Variants in CTTNBP2NL observed in about 807,000 individuals in gnomAD.
The protein encoded by CTTNBP2NL is CTTNBP2 N-terminal-like protein.
A neutral mutation model predicts 32.5 loss-of-function variants in CTTNBP2NL; 16 were observed. The ratio of observed to expected loss-of-function variants is 0.49; its 90% CI spans 0.33 to 0.75. The LOEUF (loss-of-function observed/expected upper bound fraction) is 0.75, where lower values mean the gene tolerates loss of function less well. Among genes scored for constraint, CTTNBP2NL ranks in the 30% least tolerant of loss-of-function variants. The pLI, the probability that CTTNBP2NL is intolerant of heterozygous loss-of-function variation, is 0.02. For missense variants in CTTNBP2NL, 645 were observed against 756.0 expected (o/e 0.85, Z 1.72); for synonymous variants, 298 against 289.4 (o/e 1.03, Z -0.30).
chr1:112,435,496 AT>A (rs1219899971), intron 3 of CTTNBP2NL, among the ~76,000 whole-genome samples: 1 of 152,124 alleles, frequency 6.6e-6, no homozygotes, highest in African/African-American at 2.4e-5. Context: ...CTCAAAATAG[AT>A]TGCTAATTAT....
At chr1:112,405,680 A>G (rs1648639977) in intron 1 of CTTNBP2NL, among the ~76,000 whole-genome samples, 2 of 152,248 alleles carry the variant, frequency 1.3e-5, no homozygotes, top group South Asian at 2.1e-4. Flanking sequence ...GCATAAGGCT[A>G]CTTCCTTCTT....
intron 1 of CTTNBP2NL, among the ~76,000 whole-genome samples, chr1:112,405,893 GAC>G (rs1648648146): frequency 6.6e-6 from 1 of 152,088 alleles, no homozygotes; most frequent in African/African-American, 2.4e-5. Context: ...ATCTTAAAAA[GAC>G]ATGTATGCGG....
chr1:112,425,101 T>C (rs1570728042), intron 3 of CTTNBP2NL, among the ~76,000 whole-genome samples: 1 of 151,598 alleles, frequency 6.6e-6, no homozygotes, highest in Non-Finnish European at 1.5e-5. Context: ...AGTGCTGGGA[T>C]TACAAGCGTG....
At chr1:112,420,094 T>C (rs1348657460) in intron 3 of CTTNBP2NL, among the ~76,000 whole-genome samples, 1 of 152,120 alleles carries the variant, frequency 6.6e-6, no homozygotes, top group Admixed American at 6.5e-5. Context: ...GTTAATGAAT[T>C]AATCAGTGAC....
intron 4 of CTTNBP2NL, 136 bp downstream of exon 4, chr1:112,449,308 A>G: frequency 3.7e-6 from 2 of 543,140 alleles, no homozygotes; most frequent in Non-Finnish European, 6.5e-6. Context: ...CCCTTAGTTT[A>G]TGTAAGAGCC....
At chr1:112,424,405 C>T (rs1257169375) in intron 3 of CTTNBP2NL, among the ~76,000 whole-genome samples, 1 of 152,206 alleles carries the variant, frequency 6.6e-6, no homozygotes, top group East Asian at 1.9e-4. Flanking sequence ...GATGCCAGTA[C>T]CACACTGTTT....
At chr1:112,436,566 T>A (rs909626071) in intron 3 of CTTNBP2NL, among the ~76,000 whole-genome samples, 2 of 152,136 alleles carry the variant, frequency 1.3e-5, no homozygotes, top group African/African-American at 4.8e-5. Context: ...CAGGCTGGTC[T>A]CACACGTCTG....
Position 112,442,465 on chromosome 1 carries a change from G to A in CTTNBP2NL, c.100-6477G>A, listed in dbSNP as rs550987276. Among the ~76,000 whole-genome samples the A allele has an allele frequency of 8.5e-5, 13 of 152,204 alleles. No individual in the cohort carries two copies. In the East Asian group the frequency reaches 2.5e-3, roughly 29 times the overall value. ...CTTTATCAGTTCATTAATCTGTTCA[G>A]TACTTGTTGAATTCCTAAACACATT... On this transcript the variant is annotated intron_variant, in intron 3 of 5. Coordinates refer to ENST00000271277, the MANE Select transcript of CTTNBP2NL (RefSeq NM_018704.3).
In CTTNBP2NL at chr1:112,449,076, T is replaced by C. The variant is rs2256883; in HGVS notation, c.234T>C (p.Asn78=). 0.63 allele frequency: 1,012,913 copies of C among 1,611,376 alleles called. 323,496 individuals carry two copies. The highest frequency in any genetic ancestry group is 0.71 in the South Asian group (64,589 of 91,028). ...NDGEKQPVCT[N]PLSILKVVMK... ...GCGAAAAGCAGCCAGTCTGCACAAATCCACTCTCTATTCTTAAGGTTGTGA... is the reference window on the plus strand; with the variant it reads ...GCGAAAAGCAGCCAGTCTGCACAAACCCACTCTCTATTCTTAAGGTTGTGA... The change falls in exon 4 of 6, where the codon AAT becomes AAC. Residue 78 remains asparagine, a synonymous_variant. Transcript: ENST00000271277.
chr1:112,422,311 T>C lies in CTTNBP2NL; in HGVS notation c.99+6047T>C, dbSNP rs568381301. Among the ~76,000 whole-genome samples the C allele has an allele frequency of 7.9e-5, 12 of 152,376 alleles. No homozygotes were observed. In the South Asian group the frequency reaches 2.3e-3, roughly 29 times the overall value. ...AGATTTATTCATGTCGTTGTGTATA[T>C]TGATAGCTCATTTCTTCTTTGTTAC... On this transcript the variant is annotated intron_variant, in intron 3 of 5. Coordinates refer to ENST00000271277, the MANE Select transcript of CTTNBP2NL (RefSeq NM_018704.3).
chr1:112,430,586 T>C, intron 3 of CTTNBP2NL, among the ~76,000 whole-genome samples: 1 of 75,948 alleles, frequency 1.3e-5, no homozygotes. Context: ...AGAGTCTGAC[T>C]CTGTTGCCCA....
At chr1:112,416,301 A>G (rs1054968927) in intron 3 of CTTNBP2NL, 37 bp downstream of exon 3, 9 of 1,007,478 alleles carry the variant, frequency 8.9e-6, no homozygotes, top group Non-Finnish European at 1.4e-5. Flanking sequence ...GTCATCATAC[A>G]TTGTGAAAGT....
chr1:112,432,525 A>T (rs1422549917), intron 3 of CTTNBP2NL, among the ~76,000 whole-genome samples: 2 of 152,178 alleles, frequency 1.3e-5, no homozygotes, highest in Admixed American at 1.3e-4. Context: ...ACTGATTGGA[A>T]ATGTCTAGAG....
chr1:112,407,720 A>G (rs1648710574), intron 1 of CTTNBP2NL, among the ~76,000 whole-genome samples: 1 of 152,110 alleles, frequency 6.6e-6, no homozygotes, highest in Admixed American at 6.6e-5. Flanking sequence ...TTCATCTGAG[A>G]GAAGCTTGAT....
rs111603946 is a variant in CTTNBP2NL at position 112,452,036 on chromosome 1, C to T, written c.331-2413C>T. The stretch of plus-strand genomic sequence containing the variant: ...TTGTGGGGTTTTAGTCTTTTTATTC[C>T]ATTTCTGTAATTTTTGAGGACTCCC... On this transcript the variant is annotated intron_variant, in intron 4 of 5. Coordinates refer to ENST00000271277, the MANE Select transcript of CTTNBP2NL (RefSeq NM_018704.3). 2.2e-3 allele frequency among the ~76,000 whole-genome samples: 327 copies of T among 152,018 alleles called. 1 individual carries two copies. Among genetic ancestry groups the T allele is most frequent in the African/African-American group, 7.5e-3 (309 of 41,476 alleles).
chr1:112,456,495 C>T lies in CTTNBP2NL; in HGVS notation c.1003C>T (p.Leu335=). 1.2e-6 allele frequency: 2 copies of T among 1,614,156 alleles called. No homozygotes were observed. Among genetic ancestry groups the T allele is most frequent in the Non-Finnish European group, 1.7e-6 (2 of 1,180,018 alleles). The change falls in exon 6 of 6, where the codon CTG becomes TTG. Residue 335 remains leucine, a synonymous_variant. Coordinates refer to ENST00000271277, the MANE Select transcript of CTTNBP2NL (RefSeq NM_018704.3). ...SNIAKMTNTG[L]PGPATPAYSY... ...CATAGCCAAGATGACAAACACTGGG[C>T]TGCCTGGTCCTGCCACTCCTGCTTA...
At position 112,457,527 on chromosome 1, in the gene CTTNBP2NL, T is replaced by C; in HGVS notation, c.*115T>C. 1.1e-6 allele frequency: 1 copy of C among 904,800 alleles called. No homozygotes were observed. The highest frequency in any genetic ancestry group is 1.7e-6 in the Non-Finnish European group (1 of 594,938). The allele number at this position is 904,800 out of a possible 1,614,324, so 56.0% of individuals were successfully genotyped here. Reference sequence around the variant, plus strand: ...TTGATAGTAGCTGAAACCATCTGTATAATACATTTAGTATATTTCACCATT... The same window carrying C: ...TTGATAGTAGCTGAAACCATCTGTACAATACATTTAGTATATTTCACCATT... On this transcript the variant is annotated 3_prime_UTR_variant, in exon 6 of 6. Transcript: ENST00000271277.
chr1:112,460,829 C>T lies in CTTNBP2NL; in HGVS notation c.*3417C>T, dbSNP rs1650530250. The T allele has an allele frequency of 6.6e-6, 1 of 152,264 alleles. No homozygotes were observed. The highest frequency in any genetic ancestry group is 2.1e-4 in the South Asian group (1 of 4,816). 9.4% of individuals were successfully genotyped at this position (152,264 alleles called of 1,614,324 possible). A position where few individuals can be genotyped will look rare whatever the true frequency, so the allele number is the denominator to read the frequency against. ...TTAAGCAAATTAATGATCATTTCAA[C>T]AAATACTAGCATATCCGGTTTCCCT... On this transcript the variant is annotated 3_prime_UTR_variant, in exon 6 of 6. Coordinates refer to ENST00000271277, the MANE Select transcript of CTTNBP2NL (RefSeq NM_018704.3).
intron 3 of CTTNBP2NL, among the ~76,000 whole-genome samples, chr1:112,447,942 T>C (rs1164781280): frequency 1.3e-5 from 2 of 152,242 alleles, no homozygotes; most frequent in African/African-American, 2.4e-5. Flanking sequence ...AACTTTTAAA[T>C]ATCTGTGTAA....
Sources: allele counts gnomAD v4.1 joint callset (sites outside exome capture counted in the v4.1 genomes callset), GRCh38; gene constraint gnomAD v4.1.1; transcripts MANE v1.5; gene names NCBI Gene and HGNC (gene_info 2026-07-23, HGNC 2026-07-21).